NAALADL2: variants seen among roughly 807,000 people sequenced by gnomAD.
The protein encoded by NAALADL2 is inactive N-acetylated-alpha-linked acidic dipeptidase-like protein 2.
A neutral mutation model predicts 87.2 loss-of-function variants in NAALADL2; 76 were observed. The observed-to-expected ratio is 0.87, with a 90% CI of 0.72 to 1.05. NAALADL2 has a LOEUF of 1.05. NAALADL2 is among the 50% of genes least tolerant of loss of function. The pLI, the probability that NAALADL2 is intolerant of heterozygous loss-of-function variation, is 0.00. For missense variants in NAALADL2, 1,089 were observed against 945.8 expected (o/e 1.15, Z -1.99); for synonymous variants, 354 against 331.0 (o/e 1.07, Z -0.75).
At chr3:174,966,885 C>T (rs796298540) in intron 1 of NAALADL2, among the ~76,000 whole-genome samples, 160 of 151,978 alleles carry the variant, frequency 1.1e-3, no homozygotes, top group African/African-American at 3.6e-3. Context: ...AAAAACTTTC[C>T]GGATAGAGTA....
chr3:175,221,777 A>ATTTC (rs1434783379), intron 2 of NAALADL2, among the ~76,000 whole-genome samples: 1 of 151,136 alleles, frequency 6.6e-6, no homozygotes, highest in Non-Finnish European at 1.5e-5. Flanking sequence ...TTATTTATTT[A>ATTTC]TTTATTTATT....
At chr3:174,519,598 T>C (rs938288778) in intron 1 of NAALADL2, among the ~76,000 whole-genome samples, 3 of 152,034 alleles carry the variant, frequency 2.0e-5, no homozygotes, top group Non-Finnish European at 2.9e-5. Context: ...CTCAAAGTGC[T>C]GGGATTACAG....
chr3:175,191,207 T>A (rs1172327293), intron 2 of NAALADL2, among the ~76,000 whole-genome samples: 2 of 152,168 alleles, frequency 1.3e-5, no homozygotes. Flanking sequence ...CGTTTCACTC[T>A]TTATATGTGT....
chr3:175,487,168 C>A (rs1727397849), intron 9 of NAALADL2, among the ~76,000 whole-genome samples: 1 of 152,188 alleles, frequency 6.6e-6, no homozygotes, highest in African/African-American at 2.4e-5. Context: ...CCTTTGCTCA[C>A]TCTGTTGCCA....
chr3:175,130,892 C>A (rs1383136318), intron 2 of NAALADL2, among the ~76,000 whole-genome samples: 1 of 152,112 alleles, frequency 6.6e-6, no homozygotes, highest in Non-Finnish European at 1.5e-5. Flanking sequence ...TGTTCACTGT[C>A]TTTTATGGTT....
intron 2 of NAALADL2, among the ~76,000 whole-genome samples, chr3:175,115,981 A>G (rs1218819956): frequency 2.0e-5 from 3 of 151,996 alleles, no homozygotes; most frequent in African/African-American, 7.2e-5. Context: ...CCAAAGACAA[A>G]AACCACATGT....
In NAALADL2 at chr3:174,983,050, G is replaced by A. The variant is rs182521672; in HGVS notation, c.44-113740G>A. On this transcript the variant is annotated intron_variant, in intron 1 of 13. Transcript: ENST00000454872. ...CCTGACCTCGTGATCCGCCTGCCTC[G>A]GCCTCCCAAAGTGCTGGGATTACAG... 6.9e-3 allele frequency among the ~76,000 whole-genome samples: 1,057 copies of A among 152,100 alleles called. 12 individuals are homozygous for A. The highest frequency in any genetic ancestry group is 0.024 in the African/African-American group (1,009 of 41,494).
chr3:175,218,600 A>G (rs1262999094), intron 2 of NAALADL2, among the ~76,000 whole-genome samples: 5 of 152,122 alleles, frequency 3.3e-5, no homozygotes, highest in Non-Finnish European at 7.4e-5. Flanking sequence ...GCCCTCAAAT[A>G]TAACAGTTAT....
intron 1 of NAALADL2, among the ~76,000 whole-genome samples, chr3:174,539,977 GAAAAA>G (rs57394560): frequency 0.2 from 10,392 of 51,840 alleles, 839 homozygotes; most frequent in African/African-American, 0.33. Context: ...GGAAGTTCTG[GAAAAA>G]AAAAAAAAAA....
chr3:175,313,450 T>C (rs531530419), intron 4 of NAALADL2, among the ~76,000 whole-genome samples: 1 of 152,300 alleles, frequency 6.6e-6, no homozygotes, highest in South Asian at 2.1e-4. Context: ...TTGAAGGAGC[T>C]AAATGATGGA....
chr3:175,345,659 G>A (rs767114201), intron 5 of NAALADL2, among the ~76,000 whole-genome samples: 2 of 152,130 alleles, frequency 1.3e-5, no homozygotes, highest in African/African-American at 4.8e-5. Context: ...TCACAGTGGA[G>A]GAGAAATGGT....
intron 1 of NAALADL2, among the ~76,000 whole-genome samples, chr3:175,003,236 G>C (rs1484803611): frequency 6.6e-6 from 1 of 152,136 alleles, no homozygotes; most frequent in Non-Finnish European, 1.5e-5. Flanking sequence ...AGTAGATCTA[G>C]GTTGGGCACT....
intron 5 of NAALADL2, among the ~76,000 whole-genome samples, chr3:175,354,897 C>T (rs1009170782): frequency 6.7e-6 from 1 of 150,302 alleles, no homozygotes; most frequent in Non-Finnish European, 1.5e-5. Flanking sequence ...CACACACACA[C>T]ACACACATAT....
intron 1 of NAALADL2, among the ~76,000 whole-genome samples, chr3:174,919,247 TC>T (rs1734819426): frequency 6.6e-6 from 1 of 152,082 alleles, no homozygotes; most frequent in South Asian, 2.1e-4. Context: ...TTCATTGACT[TC>T]CTTTTACAAA....
intron 3 of NAALADL2, among the ~76,000 whole-genome samples, chr3:174,833,918 C>A (rs889851026): frequency 1.5e-4 from 23 of 150,636 alleles, no homozygotes; most frequent in African/African-American, 5.4e-4. Context: ...TGAATATGGG[C>A]ACCTACATAA....
intron 2 of NAALADL2, among the ~76,000 whole-genome samples, chr3:175,171,058 A>G (rs921421655): frequency 1.2e-4 from 18 of 151,954 alleles, no homozygotes; most frequent in Admixed American, 1.1e-3. Flanking sequence ...AAATATTATT[A>G]TTTGAAATAT....
At chr3:175,008,580 T>C (rs563997253) in intron 1 of NAALADL2, among the ~76,000 whole-genome samples, 3 of 152,136 alleles carry the variant, frequency 2.0e-5, no homozygotes, top group Non-Finnish European at 2.9e-5. Flanking sequence ...AAGTTTCTTA[T>C]ACTAAGTAAA....
chr3:174,786,862 G>A lies in NAALADL2; in HGVS notation c.-9+49116G>A, dbSNP rs559219289. Among the ~76,000 whole-genome samples the A allele has an allele frequency of 5.8e-4, 88 of 152,004 alleles. 1 individual carries two copies. Among genetic ancestry groups the A allele is most frequent in the East Asian group, 2.9e-3 (15 of 5,170 alleles). ...TCTAAGATGTAAAAATTAAATTGTC[G>A]TCTTCTCCTGTATCTTATGAAATAA... On this transcript the variant is annotated intron_variant, in intron 3 of 3. Coordinates refer to the NAALADL2 transcript ENST00000434257.
intron 1 of NAALADL2, among the ~76,000 whole-genome samples, chr3:174,943,861 GT>G (rs1038714445): frequency 2.0e-5 from 3 of 152,176 alleles, no homozygotes; most frequent in Non-Finnish European, 4.4e-5. Context: ...AGCAAAGTCA[GT>G]TCCACTGCAG....
Sources: gnomAD v4.1 joint callset for allele counts (sites outside exome capture counted in the v4.1 genomes callset) on GRCh38, gnomAD v4.1.1 for gene constraint, MANE v1.5 for transcripts, NCBI Gene and HGNC (gene_info 2026-07-23, HGNC 2026-07-21) for gene names.